Variants in YTHDF3 observed in about 807,000 individuals in gnomAD.
YTHDF3 encodes YTH N6-methyladenosine RNA binding protein F3.
In YTHDF3, 9 loss-of-function variants were observed where a neutral mutation model predicts 52.5. The observed-to-expected ratio is 0.17, with a 90% confidence interval of 0.10 to 0.30. The LOEUF is 0.30. Among genes scored for constraint, YTHDF3 ranks in the 10% least tolerant of loss-of-function variants. The probability of loss-of-function intolerance (pLI) is 1.00; values close to 1 mark genes in which losing one functional copy is unlikely to be tolerated. For synonymous variants in YTHDF3, 274 were observed against 243.3 expected (o/e 1.13, Z -1.18); for missense variants, 534 against 715.0 (o/e 0.75, Z 2.89).
intron 3 of YTHDF3, among the ~76,000 whole-genome samples, chr8:63,182,097 T>C (rs1808178459): frequency 6.6e-6 from 1 of 151,860 alleles, no homozygotes; most frequent in East Asian, 1.9e-4. Context: ...TTAAGAGGGT[T>C]TTATTCTGTA....
In YTHDF3 at chr8:63,209,897, A is replaced by T; in HGVS notation, c.*191A>T. On this transcript the variant is annotated 3_prime_UTR_variant, in exon 5 of 5. Transcript: ENST00000539294. ...TGCCCTTATACTCTTCACCAAACAC[A>T]CTTGAGAACTGTAACTTCGTCAAGC... 2 of 510,090 alleles carry T rather than the reference A, an allele frequency of 3.9e-6. No homozygotes were observed. The highest frequency in any genetic ancestry group is 6.7e-6 in the Non-Finnish European group (2 of 296,502). The allele number at this position is 510,090 out of a possible 1,614,324, so 31.6% of individuals were successfully genotyped here.
intron 3 of YTHDF3, 47 bp from the exon 4 acceptor site, chr8:63,186,100 C>G: frequency 6.6e-7 from 1 of 1,504,614 alleles, no homozygotes; most frequent in Non-Finnish European, 9.0e-7. Context: ...TTTTTTTGCT[C>G]TTTTAAGAGG....
intron 3 of YTHDF3, among the ~76,000 whole-genome samples, chr8:63,178,512 A>C (rs1451612730): frequency 6.6e-6 from 1 of 152,228 alleles, no homozygotes; most frequent in Non-Finnish European, 1.5e-5. Context: ...ACATTTGTAA[A>C]ATAGATTTGT....
intron 4 of YTHDF3, among the ~76,000 whole-genome samples, chr8:63,208,858 T>TG (rs1554541348): frequency 2.6e-5 from 4 of 151,924 alleles, no homozygotes; most frequent in African/African-American, 7.3e-5. Flanking sequence ...ACTCATCTTT[T>TG]TTGTTGTTGT....
chr8:63,171,313 A>G (rs1475935835), intron 2 of YTHDF3, among the ~76,000 whole-genome samples: 2 of 152,146 alleles, frequency 1.3e-5, no homozygotes, highest in East Asian at 1.9e-4. Context: ...CATAATTCCT[A>G]TAGTATGTTG....
chr8:63,195,720 C>G (rs909779262), intron 4 of YTHDF3, among the ~76,000 whole-genome samples: 9 of 142,880 alleles, frequency 6.3e-5, no homozygotes, highest in Non-Finnish European at 1.2e-4. Flanking sequence ...CATAGTGAGA[C>G]CATGTATTTA....
chr8:63,177,346 C>T (rs530536070), intron 3 of YTHDF3, among the ~76,000 whole-genome samples: 62 of 152,176 alleles, frequency 4.1e-4, no homozygotes, highest in African/African-American at 1.4e-3. Flanking sequence ...AGCAACATTC[C>T]TAGCATACAT....
chr8:63,186,833 G>T lies in YTHDF3; in HGVS notation c.822G>T (p.Met274Ile), dbSNP rs962515764. 1.9e-6 allele frequency: 3 copies of T among 1,613,820 alleles called. No homozygotes were observed. In the African/African-American group the frequency reaches 4.0e-5, roughly 22 times the overall value. Reference protein sequence around the residue: ...AVPPPPIKHNMNIGTWDEKGS... With the variant: ...AVPPPPIKHNINIGTWDEKGS... The stretch of plus-strand genomic sequence containing the variant: ...CACCACCTCCTATAAAACACAACAT[G>T]AATATTGGAACTTGGGATGAAAAAG... The change falls in exon 4 of 5, where the codon ATG becomes ATT. Residue 274 changes from methionine to isoleucine, a missense_variant. By Grantham distance (10) the Met-to-Ile change is conservative. Around this residue, in one of 3 missense-constraint regions of YTHDF3, gnomAD observed 203 missense variants for 201.3 expected, o/e 1.01. Coordinates refer to ENST00000539294, the MANE Select transcript of YTHDF3 (RefSeq NM_152758.6).
At chr8:63,199,137 T>A (rs1256614899) in intron 4 of YTHDF3, among the ~76,000 whole-genome samples, 2 of 152,212 alleles carry the variant, frequency 1.3e-5, no homozygotes, top group Non-Finnish European at 2.9e-5. Flanking sequence ...TTGATTTGTT[T>A]TTATTTTTTC....
rs1808507016 is a variant in YTHDF3, at chr8:63,186,440, A to T, written c.429A>T (p.Gly143=). ...FSTWGTSGSQ[G]QSTQSSAYSS... Reference sequence around the variant, plus strand: ...CATGGGGGACAAGTGGATCTCAGGGACAATCAACACAAAGTTCTGCTTATA... The same window carrying T: ...CATGGGGGACAAGTGGATCTCAGGGTCAATCAACACAAAGTTCTGCTTATA... The change falls in exon 4 of 5, where the codon GGA becomes GGT. Residue 143 remains glycine (G), a synonymous_variant. Transcript: ENST00000539294. 2 of 1,614,022 alleles carry T rather than the reference A, an allele frequency of 1.2e-6. No individual in the cohort carries two copies. The highest frequency in any genetic ancestry group is 4.5e-5 in the East Asian group (2 of 44,890).
chr8:63,188,527 A>G (rs982542973), intron 4 of YTHDF3, among the ~76,000 whole-genome samples: 1 of 148,854 alleles, frequency 6.7e-6, no homozygotes, highest in African/African-American at 2.5e-5. Context: ...GGGTTTCACC[A>G]TGTTGCCCGG....
intron 2 of YTHDF3, among the ~76,000 whole-genome samples, chr8:63,173,423 G>A (rs757423603): frequency 6.6e-6 from 1 of 151,654 alleles, no homozygotes; most frequent in African/African-American, 2.4e-5. Flanking sequence ...AACATTTTTC[G>A]TAAAGGTGGG....
At chr8:63,180,106 C>T (rs1211727081) in intron 3 of YTHDF3, among the ~76,000 whole-genome samples, 1 of 151,112 alleles carries the variant, frequency 6.6e-6, no homozygotes. Flanking sequence ...GACGAGGTGG[C>T]TGCTGGGCGG....
chr8:63,174,466 C>CG (rs1807555373), intron 2 of YTHDF3, among the ~76,000 whole-genome samples: 1 of 152,096 alleles, frequency 6.6e-6, no homozygotes, highest in Non-Finnish European at 1.5e-5. Flanking sequence ...TCTGAAACAG[C>CG]GAACAGTCAA....
intron 3 of YTHDF3, among the ~76,000 whole-genome samples, chr8:63,180,635 G>T (rs1256901394): frequency 6.6e-6 from 1 of 152,192 alleles, no homozygotes; most frequent in Non-Finnish European, 1.5e-5. Flanking sequence ...CTGGGAGGTG[G>T]AGGTTGTAGC....
chr8:63,173,984 A>G (rs1190583474), intron 2 of YTHDF3, among the ~76,000 whole-genome samples: 1 of 152,122 alleles, frequency 6.6e-6, no homozygotes, highest in Non-Finnish European at 1.5e-5. Context: ...GATCTTTGCC[A>G]CTCATTGGAT....
rs558991571 is a variant in YTHDF3, at chr8:63,191,697, T to C, written c.1734+3952T>C. Among the ~76,000 whole-genome samples, 10 of 152,298 alleles carry C rather than the reference T, an allele frequency of 6.6e-5. No homozygotes were observed. In the South Asian group the frequency reaches 2.1e-3, roughly 32 times the overall value. Reference sequence around the variant, plus strand: ...CTCCCTCTCATTACTGAACCACTGATTGGTTGTTTGTCCCTATAAGACATT... The same window carrying C: ...CTCCCTCTCATTACTGAACCACTGACTGGTTGTTTGTCCCTATAAGACATT... On this transcript the variant is annotated intron_variant, in intron 4 of 4. Transcript: ENST00000539294.
chr8:63,188,743 G>C (rs188727055), intron 4 of YTHDF3: 1 of 107,164 alleles, frequency 9.3e-6, no homozygotes, highest in Non-Finnish European at 1.7e-5. Context: ...AGATGGAGTC[G>C]CTCTCTGTCG....
rs778470121 is a variant in YTHDF3, at chr8:63,168,863, G to C, written c.-15G>C. ...GGCAGCGGCGGCGGCGGCGGCTCTC[G>C]GGTTGCGGTGAAGAATGTCAGCCAC... On this transcript the variant is annotated 5_prime_UTR_variant, in exon 1 of 5. Coordinates refer to ENST00000539294, the MANE Select transcript of YTHDF3 (RefSeq NM_152758.6). 11 of 1,554,556 alleles carry C rather than the reference G, an allele frequency of 7.1e-6. No homozygotes were observed. Among genetic ancestry groups the C allele is most frequent in the South Asian group, 3.6e-5 (3 of 84,266 alleles).
Sources: allele counts gnomAD v4.1 joint callset (sites outside exome capture counted in the v4.1 genomes callset), GRCh38; gene constraint gnomAD v4.1.1; regional missense constraint gnomAD v4.1.1; transcripts MANE v1.5; gene names NCBI Gene and HGNC (gene_info 2026-07-23, HGNC 2026-07-21).